The following RAB27B variants were observed in gnomAD, a reference collection of about 807,000 sequenced individuals.
RAB27B encodes RAB27B, member RAS oncogene family.
RAB27B carries 15 observed loss-of-function variants against 24.6 expected under a neutral mutation model. The observed-to-expected ratio is 0.61, with a 90% CI of 0.41 to 0.94. RAB27B has a LOEUF of 0.94. RAB27B is among the 40% of genes least tolerant of loss of function. The probability of loss-of-function intolerance (pLI) is 0.00; values close to 1 mark genes in which losing one functional copy is unlikely to be tolerated. For synonymous variants in RAB27B, 105 were observed against 92.5 expected (o/e 1.14, Z -0.78); for missense variants, 261 against 266.8 (o/e 0.98, Z 0.15).
chr18:54,816,543 T>A (rs920735174), intron 2 of RAB27B, among the ~76,000 whole-genome samples: 46 of 152,236 alleles, frequency 3.0e-4, no homozygotes, highest in Admixed American at 1.3e-4. Context: ...TTTATTTTTT[T>A]AAATTTGAAA....
chr18:54,733,134 C>T (rs1909777038), intron 2 of RAB27B, among the ~76,000 whole-genome samples: 2 of 152,120 alleles, frequency 1.3e-5, no homozygotes. Flanking sequence ...TAACCTCAAA[C>T]TCCTGGGCTC....
chr18:54,719,573 AT>A (rs939506625), intron 2 of RAB27B, among the ~76,000 whole-genome samples: 1 of 152,036 alleles, frequency 6.6e-6, no homozygotes, highest in Admixed American at 6.5e-5. Context: ...AGAGAAAGTC[AT>A]TTTTTCTAGA....
chr18:54,877,478 C>G (rs1479268341), intron 1 of RAB27B, 89 bp from the exon 2 acceptor site: 1 of 1,103,020 alleles, frequency 9.1e-7, no homozygotes, highest in African/African-American at 1.6e-5. Flanking sequence ...CTTTTTAACC[C>G]TGAAAATTAA....
intron 1 of RAB27B, among the ~76,000 whole-genome samples, chr18:54,875,220 G>A (rs1208608279): frequency 6.6e-6 from 1 of 152,118 alleles, no homozygotes; most frequent in African/African-American, 2.4e-5. Flanking sequence ...CAGCTACCAG[G>A]AAGGCTGAGT....
At chr18:54,804,910 CTTTCTTTCTTTCTT>C (rs1568072714) in intron 2 of RAB27B, among the ~76,000 whole-genome samples, 8,525 of 114,806 alleles carry the variant, frequency 0.074, 453 homozygotes, top group African/African-American at 0.15. Context: ...CTCTCTCTTT[CTTTCTTTCTTTCTT>C]TCTTTCTTTC....
At chr18:54,888,641 C>T (rs1404628493) in intron 5 of RAB27B, among the ~76,000 whole-genome samples, 1 of 151,968 alleles carries the variant, frequency 6.6e-6, no homozygotes, top group East Asian at 1.9e-4. Context: ...AAACAACACC[C>T]CATGTAATTG....
At chr18:54,823,413 T>G (rs1178742991) in intron 2 of RAB27B, among the ~76,000 whole-genome samples, 1 of 143,232 alleles carries the variant, frequency 7.0e-6, no homozygotes, top group Non-Finnish European at 1.5e-5. Flanking sequence ...ATCTCATCAG[T>G]GAGGGGGTCA....
At chr18:54,728,903 C>CAAAAAAAAAAAAA (rs58878407) in intron 2 of RAB27B, among the ~76,000 whole-genome samples, 1 of 68,254 alleles carries the variant, frequency 1.5e-5, no homozygotes, top group African/African-American at 6.1e-5. Context: ...AAAAAAAACC[C>CAAAAAAAAAAAAA]AAAAAAAAAA....
At chr18:54,794,503 G>C (rs536430331) in intron 2 of RAB27B, among the ~76,000 whole-genome samples, 1 of 152,270 alleles carries the variant, frequency 6.6e-6, no homozygotes, top group East Asian at 1.9e-4. Context: ...TCTGAGAAAT[G>C]AATTTCAGTT....
At chr18:54,761,778 G>A (rs548177972) in intron 2 of RAB27B, among the ~76,000 whole-genome samples, 167 of 152,272 alleles carry the variant, frequency 1.1e-3, no homozygotes, top group Middle Eastern at 3.4e-3. Flanking sequence ...GCCTCTGATG[G>A]ATTGTTGATA....
intron 2 of RAB27B, among the ~76,000 whole-genome samples, chr18:54,821,658 A>G (rs903460803): frequency 1.1e-4 from 17 of 152,240 alleles, no homozygotes; most frequent in Non-Finnish European, 1.3e-4. Context: ...TTCAAATTAT[A>G]AGGTTTATTG....
At chr18:54,777,835 G>A (rs896339945) in intron 2 of RAB27B, among the ~76,000 whole-genome samples, 12 of 150,098 alleles carry the variant, frequency 8.0e-5, no homozygotes, top group Non-Finnish European at 1.5e-4. Flanking sequence ...GTACTTCTTC[G>A]GACATAATAG....
Position 54,888,097 on chromosome 18 carries a change from G to T in RAB27B, c.446G>T (p.Arg149Leu), listed in dbSNP as rs148221800. Reference sequence around the variant, plus strand: ...AGGGAAGTCAATGAACGGCAAGCTCGGGAACTGGCTGACAAATATGGGTAA... The same window carrying T: ...AGGGAAGTCAATGAACGGCAAGCTCTGGAACTGGCTGACAAATATGGGTAA... ...DQREVNERQA[R>L]ELADKYGIPY... Residue 149 changes from arginine to leucine, a missense_variant, in exon 5 of 6, where the codon CGG becomes CTG. Arg to Leu is a moderately radical substitution (Grantham distance 102, BLOSUM62 -2). Coordinates refer to ENST00000262094, the MANE Select transcript of RAB27B (RefSeq NM_004163.4). 74 of 1,612,710 alleles carry T rather than the reference G, an allele frequency of 4.6e-5. No individual in the cohort carries two copies. The African/African-American group carries it at 9.1e-4, about 20-fold the overall frequency.
intron 1 of RAB27B, among the ~76,000 whole-genome samples, chr18:54,868,426 G>A (rs367732832): frequency 6.6e-6 from 1 of 152,084 alleles, no homozygotes; most frequent in Non-Finnish European, 1.5e-5. Flanking sequence ...CTGCAGAACC[G>A]TGAGTGAATT....
At chr18:54,885,707 TGTTA>T (rs769905440) in intron 4 of RAB27B, among the ~76,000 whole-genome samples, 7 of 152,272 alleles carry the variant, frequency 4.6e-5, no homozygotes, top group Middle Eastern at 3.4e-3. Flanking sequence ...TTACTTGTTG[TGTTA>T]GTTCATTCTT....
chr18:54,804,421 T>C (rs1439757394), intron 2 of RAB27B, among the ~76,000 whole-genome samples: 1 of 152,216 alleles, frequency 6.6e-6, no homozygotes, highest in Non-Finnish European at 1.5e-5. Context: ...TTGCTTCTTC[T>C]TCATTTTCTC....
At chr18:54,768,779 C>T (rs925034036) in intron 2 of RAB27B, among the ~76,000 whole-genome samples, 9 of 152,000 alleles carry the variant, frequency 5.9e-5, no homozygotes, top group Admixed American at 3.3e-4. Flanking sequence ...GTGAGTACAA[C>T]GGGGGAAATG....
chr18:54,884,403 C>A lies in RAB27B; in HGVS notation c.310C>A (p.Gln104Lys). 1 of 1,612,150 alleles carries A rather than the reference C, an allele frequency of 6.2e-7. No homozygotes were observed. Among genetic ancestry groups the A allele is most frequent in the South Asian group, 1.1e-5 (1 of 90,964 alleles). Reference protein sequence around the residue: ...GFLLMFDLTSQQSFLNVRNWM... With the variant: ...GFLLMFDLTSKQSFLNVRNWM... Reference sequence around the variant, plus strand: ...CTTATTAATGTTTGACCTCACCAGTCAACAGAGCTTCTTAAATGTCAGAAA... The same window carrying A: ...CTTATTAATGTTTGACCTCACCAGTAAACAGAGCTTCTTAAATGTCAGAAA... The change falls in exon 4 of 6, where the codon CAA (glutamine) becomes AAA (lysine). Residue 104 changes from glutamine to lysine, a missense_variant. By Grantham distance (53) the Gln-to-Lys change is moderately conservative (BLOSUM62 1). Transcript: ENST00000262094.
intron 4 of RAB27B, among the ~76,000 whole-genome samples, chr18:54,884,972 A>T (rs1913073344): frequency 1.3e-5 from 2 of 152,092 alleles, no homozygotes; most frequent in South Asian, 4.1e-4. Context: ...TTTTACTTTT[A>T]AAAAGGGGTT....
Sources: gnomAD v4.1 joint callset for allele counts (sites outside exome capture counted in the v4.1 genomes callset) on GRCh38, gnomAD v4.1.1 for gene constraint, MANE v1.5 for transcripts, NCBI Gene and HGNC (gene_info 2026-07-23, HGNC 2026-07-21) for gene names.